The following SLC39A10 variants were observed in gnomAD, a reference collection of about 807,000 sequenced individuals.
SLC39A10 encodes zinc transporter ZIP10.
A neutral mutation model predicts 65.1 loss-of-function variants in SLC39A10; 13 were observed. The observed-to-expected ratio is 0.20, with a 90% CI of 0.13 to 0.32. The LOEUF (loss-of-function observed/expected upper bound fraction) is 0.32. Among genes scored for constraint, SLC39A10 ranks in the 10% least tolerant of loss-of-function variants. The pLI is 1.00. For synonymous variants in SLC39A10, 321 were observed against 342.2 expected, an observed-to-expected ratio of 0.94 and a Z score of 0.68; for missense variants, 831 against 1,018.4, an observed-to-expected ratio of 0.82 and a Z score of 2.50.
chr2:195,713,503 A>G lies in SLC39A10; in HGVS notation c.1646A>G (p.Lys549Arg), dbSNP rs1415074956. 2 of 1,587,820 alleles carry G rather than the reference A, an allele frequency of 1.3e-6. No individual in the cohort carries two copies. Among genetic ancestry groups the G allele is most frequent in the African/African-American group, 2.7e-5 (2 of 73,066 alleles). The change falls in exon 6 of 10, where the codon AAG (lysine) becomes AGG (arginine). Residue 549 changes from lysine to arginine, a missense_variant. By Grantham distance (26) the Lys-to-Arg change is conservative. Around this residue, in one of 4 missense-constraint regions of SLC39A10, gnomAD observed 230 missense variants for 242.9 expected, o/e 0.95. Transcript: ENST00000359634. ...ATTGGAAGAAAGCTTTCAGATCACA[A>G]GTTAAACAATACACCAGATTCTGAC... ...STIGRKLSDH[K>R]LNNTPDSDWL...
intron 3 of SLC39A10, among the ~76,000 whole-genome samples, chr2:195,690,001 A>G (rs1005742498): frequency 5.9e-5 from 9 of 151,984 alleles, no homozygotes; most frequent in Admixed American, 3.3e-4. Flanking sequence ...ACATGGTGAA[A>G]CCTCATTTCT....
chr2:195,705,945 C>G (rs550141917), intron 3 of SLC39A10, among the ~76,000 whole-genome samples: 2 of 152,106 alleles, frequency 1.3e-5, no homozygotes, highest in East Asian at 3.9e-4. Flanking sequence ...CTCTTGTGTT[C>G]TGAGCCAGTT....
At chr2:195,623,000 A>T (rs1688383167) in intron 2 of SLC39A10, among the ~76,000 whole-genome samples, 1 of 147,816 alleles carries the variant, frequency 6.8e-6, no homozygotes, top group African/African-American at 2.5e-5. Context: ...AAAAAGAACC[A>T]AGTTTGAACA....
At chr2:195,650,258 G>A (rs1689003602) in intron 2 of SLC39A10, among the ~76,000 whole-genome samples, 1 of 150,682 alleles carries the variant, frequency 6.6e-6, no homozygotes, top group African/African-American at 2.4e-5. Flanking sequence ...CTCCAGCCTG[G>A]GCGACAGAGA....
chr2:195,714,436 A>G (rs534746728), intron 6 of SLC39A10, among the ~76,000 whole-genome samples: 1 of 152,332 alleles, frequency 6.6e-6, no homozygotes, highest in Admixed American at 6.5e-5. Flanking sequence ...TAGGTCCTAT[A>G]TTAAATATAT....
chr2:195,635,068 CA>C (rs1327477974), intron 2 of SLC39A10, among the ~76,000 whole-genome samples: 3 of 151,894 alleles, frequency 2.0e-5, no homozygotes, highest in African/African-American at 7.3e-5. Context: ...CAAAACAAAA[CA>C]AAAAACAAAA....
At position 195,624,395 on chromosome 2, in the gene SLC39A10, G is replaced by GAAA. The variant is rs35636489; in HGVS notation, c.-12+18176_-12+18178dup. ...AGAGCAAAACTCCGTCTCAAATAAGGAAAAAAAAAAAAAAAAGGAAGAAGG... is the reference window on the plus strand; with the variant it reads ...AGAGCAAAACTCCGTCTCAAATAAGGAAAAAAAAAAAAAAAAAAAGGAAGAAGG... On this transcript the variant is annotated intron_variant, in intron 2 of 2. Coordinates refer to the SLC39A10 transcript ENST00000458054. Among the ~76,000 whole-genome samples the GAAA allele has an allele frequency of 3.6e-4, 24 of 65,996 alleles. No individual in the cohort carries two copies. The East Asian group carries it at 4.6e-3, about 13-fold the overall frequency. The allele number at this position is 65,996 out of a possible 152,430, so 43.3% of individuals were successfully genotyped here.
chr2:195,614,710 T>G (rs151064609), intron 2 of SLC39A10, among the ~76,000 whole-genome samples: 1 of 152,190 alleles, frequency 6.6e-6, no homozygotes, highest in African/African-American at 2.4e-5. Context: ...CAGTTATCTT[T>G]TGATGACTTG....
chr2:195,708,793 A>T lies in SLC39A10; in HGVS notation c.1524A>T (p.Leu508=). Reference sequence around the variant, plus strand: ...TTGCTCTAGGAGGCATTTACTTGCTATTTATCATTGAACACTGCATTAGAA... The same window carrying T: ...TTGCTCTAGGAGGCATTTACTTGCTTTTTATCATTGAACACTGCATTAGAA... ...GLVALGGIYL[L]FIIEHCIRMF... is the part of the protein sequence containing the mutation. The change falls in exon 5 of 10, where the codon CTA becomes CTT. Residue 508 remains leucine (L), a synonymous_variant. Coordinates refer to ENST00000359634, the MANE Select transcript of SLC39A10 (RefSeq NM_020342.3). 6.2e-7 allele frequency: 1 copy of T among 1,613,118 alleles called. No individual in the cohort carries two copies. The highest frequency in any genetic ancestry group is 1.3e-5 in the African/African-American group (1 of 75,032).
Position 195,708,712 on chromosome 2 carries a change from T to G in SLC39A10, c.1443T>G (p.His481Gln), listed in dbSNP as rs1691496120. ...ATGCACATGGGCATGGACATTCTCATGGACATGAATCTAACAAGTTTTTGG... is the reference window on the plus strand; with the variant it reads ...ATGCACATGGGCATGGACATTCTCAGGGACATGAATCTAACAAGTTTTTGG... ...HQHAHGHGHSHGHESNKFLEE... is the reference protein window; with the variant it reads ...HQHAHGHGHSQGHESNKFLEE... The change falls in exon 5 of 10, where the codon CAT (histidine) becomes CAG (glutamine). Residue 481 changes from histidine to glutamine, a missense_variant. Coordinates refer to ENST00000359634, the MANE Select transcript of SLC39A10 (RefSeq NM_020342.3). 1 of 1,613,018 alleles carries G rather than the reference T, an allele frequency of 6.2e-7. No homozygotes were observed. Among genetic ancestry groups the G allele is most frequent in the Non-Finnish European group, 8.5e-7 (1 of 1,179,482 alleles).
intron 8 of SLC39A10, among the ~76,000 whole-genome samples, chr2:195,720,077 A>G (rs571600677): frequency 3.9e-5 from 6 of 152,012 alleles, no homozygotes; most frequent in African/African-American, 1.4e-4. Context: ...GGCATGAGCC[A>G]CTGCGCCCGG....
intron 2 of SLC39A10, among the ~76,000 whole-genome samples, chr2:195,650,717 C>G (rs918087675): frequency 1.1e-4 from 16 of 152,184 alleles, no homozygotes; most frequent in African/African-American, 3.6e-4. Flanking sequence ...ATTTTTGTCT[C>G]TGCAAATAGC....
intron 2 of SLC39A10, among the ~76,000 whole-genome samples, chr2:195,623,987 G>C (rs1688406845): frequency 6.6e-6 from 1 of 150,938 alleles, no homozygotes; most frequent in Non-Finnish European, 1.5e-5. Flanking sequence ...CGATTCAAAA[G>C]TTAAAGACTT....
chr2:195,676,260 G>T (rs1690085216), intron 1 of SLC39A10, among the ~76,000 whole-genome samples: 1 of 151,496 alleles, frequency 6.6e-6, no homozygotes, highest in Non-Finnish European at 1.5e-5. Flanking sequence ...CACAATCTTG[G>T]CTCACTGCAA....
rs535692541 is a variant in SLC39A10 at position 195,693,746 on chromosome 2, C to A, written c.1216+9840C>A. ...CAATTTTATTTATCTTTTCAAAAAA[C>A]CAACTTTTTGTTTCATTTATCTTTT... On this transcript the variant is annotated intron_variant, in intron 3 of 9. Coordinates refer to ENST00000359634, the MANE Select transcript of SLC39A10 (RefSeq NM_020342.3). Among the ~76,000 whole-genome samples the A allele has an allele frequency of 2.4e-4, 37 of 152,236 alleles. No individual in the cohort carries two copies. In the South Asian group the frequency reaches 7.7e-3, roughly 32 times the overall value.
chr2:195,641,133 G>C (rs1688804744), intron 2 of SLC39A10, among the ~76,000 whole-genome samples: 1 of 152,208 alleles, frequency 6.6e-6, no homozygotes, highest in Non-Finnish European at 1.5e-5. Flanking sequence ...CACAAATGTA[G>C]CACAGTGCAA....
In SLC39A10 at chr2:195,708,882, A is replaced by G; in HGVS notation, c.1575+38A>G. On this transcript the variant is annotated intron_variant, in intron 5 of 9. Transcript: ENST00000359634. ...TATTTATTTAATTTTATACCATAAA[A>G]CTCAAAACAAAAATTATCCTTTTCT... The G allele has an allele frequency of 3.4e-6, 5 of 1,451,358 alleles. No individual in the cohort carries two copies. The South Asian group carries it at 5.3e-5, about 15-fold the overall frequency. The allele number at this position is 1,451,358 out of a possible 1,614,324, so 89.9% of individuals were successfully genotyped here.
intron 1 of SLC39A10, among the ~76,000 whole-genome samples, chr2:195,674,223 G>C (rs1411026549): frequency 3.3e-5 from 5 of 152,048 alleles, no homozygotes; most frequent in African/African-American, 1.2e-4. Context: ...TTCTAATGAT[G>C]AGCATTTAGG....
chr2:195,664,195 T>G (rs1036527148), intron 1 of SLC39A10, among the ~76,000 whole-genome samples: 2 of 152,152 alleles, frequency 1.3e-5, no homozygotes, highest in Non-Finnish European at 2.9e-5. Flanking sequence ...CTTAAATCTT[T>G]TTCTGTGAAG....
Sources: gnomAD v4.1 joint callset for allele counts (sites outside exome capture counted in the v4.1 genomes callset) on GRCh38, gnomAD v4.1.1 for gene constraint, gnomAD v4.1.1 regional missense constraint, MANE v1.5 for transcripts, NCBI Gene and HGNC (gene_info 2026-07-23, HGNC 2026-07-21) for gene names.